SLC7A1: variants seen among roughly 807,000 people sequenced by gnomAD.
SLC7A1 encodes the protein solute carrier family 7 member 1.
A neutral mutation model predicts 53.9 loss-of-function variants in SLC7A1; 10 were observed. The ratio of observed to expected loss-of-function variants is 0.19; its 90% CI spans 0.11 to 0.31. The LOEUF (loss-of-function observed/expected upper bound fraction) is 0.31, where lower values mean the gene tolerates loss of function less well. SLC7A1 is among the 10% of genes least tolerant of loss of function. SLC7A1 has a pLI of 1.00. For missense variants in SLC7A1, 525 were observed against 827.2 expected (o/e 0.63, Z 4.48); for synonymous variants, 342 against 338.7 (o/e 1.01, Z -0.11).
At chr13:29,560,832 G>A (rs1047039137) in intron 1 of SLC7A1, among the ~76,000 whole-genome samples, 8 of 152,052 alleles carry the variant, frequency 5.3e-5, no homozygotes, top group Non-Finnish European at 1.0e-4. Context: ...ACACCTGGCA[G>A]GCCAAGAGAA....
intron 1 of SLC7A1, among the ~76,000 whole-genome samples, chr13:29,588,311 T>C (rs1021104443): frequency 1.3e-5 from 2 of 152,098 alleles, no homozygotes; most frequent in African/African-American, 4.8e-5. Context: ...CACTGAAGTA[T>C]AGAGGGCAAA....
At chr13:29,523,202 C>CTA (rs528629112) in intron 7 of SLC7A1, 64 bp downstream of exon 7, 8 of 1,373,508 alleles carry the variant, frequency 5.8e-6, no homozygotes, top group Admixed American at 1.7e-5. Flanking sequence ...ACCTGGCCTG[C>CTA]TATAGCCTAA....
chr13:29,522,134 G>C (rs538308599), intron 8 of SLC7A1, among the ~76,000 whole-genome samples, 183 bp downstream of exon 8: 2 of 152,166 alleles, frequency 1.3e-5, no homozygotes, highest in Non-Finnish European at 2.9e-5. Context: ...TCTGTCAAAC[G>C]GGCCTCTGCC....
intron 5 of SLC7A1, among the ~76,000 whole-genome samples, chr13:29,527,507 T>G (rs1356717465): frequency 6.6e-6 from 1 of 152,204 alleles, no homozygotes; most frequent in Admixed American, 6.5e-5. Flanking sequence ...ATAATTAACC[T>G]TTTACATGCG....
At chr13:29,592,589 G>GATCAT in intron 1 of SLC7A1, among the ~76,000 whole-genome samples, 1 of 152,344 alleles carries the variant, frequency 6.6e-6, no homozygotes, top group African/African-American at 2.4e-5. Flanking sequence ...GACCCACACT[G>GATCAT]AACCACAGGG....
intron 1 of SLC7A1, among the ~76,000 whole-genome samples, chr13:29,566,497 C>T (rs933015907): frequency 3.3e-5 from 5 of 152,148 alleles, no homozygotes; most frequent in African/African-American, 7.2e-5. Context: ...CTTGAAAACA[C>T]GATGCTAAGT....
chr13:29,570,439 G>C (rs747745490), intron 1 of SLC7A1, among the ~76,000 whole-genome samples: 1 of 152,182 alleles, frequency 6.6e-6, no homozygotes, highest in African/African-American at 2.4e-5. Flanking sequence ...CATCTGAAGC[G>C]GGGATAATGA....
intron 1 of SLC7A1, among the ~76,000 whole-genome samples, chr13:29,591,119 A>G (rs1031832963): frequency 2.0e-5 from 3 of 151,898 alleles, no homozygotes; most frequent in Admixed American, 1.3e-4. Context: ...CAAAATATAT[A>G]TATATTTTTC....
intron 12 of SLC7A1, among the ~76,000 whole-genome samples, chr13:29,515,067 T>A (rs1462880582): frequency 6.6e-6 from 1 of 152,152 alleles, no homozygotes; most frequent in South Asian, 2.1e-4. Context: ...GGACTTCACA[T>A]AGGAGTCCAC....
chr13:29,531,875 T>A (rs150446688), intron 4 of SLC7A1, among the ~76,000 whole-genome samples: 29 of 152,288 alleles, frequency 1.9e-4, no homozygotes, highest in African/African-American at 7.0e-4. Flanking sequence ...CTGCTGTACT[T>A]TTGAGATTGA....
chr13:29,515,964 T>C (rs930433956), intron 12 of SLC7A1, among the ~76,000 whole-genome samples, 174 bp downstream of exon 12: 2 of 152,202 alleles, frequency 1.3e-5, no homozygotes, highest in African/African-American at 4.8e-5. Context: ...CAAGAAGCAA[T>C]GGAAACAAAA....
chr13:29,589,295 A>AC (rs1227257812), intron 1 of SLC7A1, among the ~76,000 whole-genome samples: 15 of 152,128 alleles, frequency 9.9e-5, no homozygotes, highest in African/African-American at 3.6e-4. Context: ...TTTCCACAAG[A>AC]CCCCCTGCAA....
chr13:29,582,679 C>T (rs540550915), intron 1 of SLC7A1, among the ~76,000 whole-genome samples: 9 of 152,298 alleles, frequency 5.9e-5, no homozygotes, highest in African/African-American at 2.2e-4. Context: ...AGACCCCCTC[C>T]CTGAGCTCCC....
intron 1 of SLC7A1, among the ~76,000 whole-genome samples, chr13:29,580,209 C>T (rs545446614): frequency 2.0e-5 from 3 of 152,152 alleles, no homozygotes; most frequent in Middle Eastern, 3.2e-3. Context: ...CTCTCTAACT[C>T]CAGGCCGTGA....
intron 1 of SLC7A1, among the ~76,000 whole-genome samples, chr13:29,571,756 G>T (rs551339351): frequency 5.2e-4 from 79 of 152,308 alleles, no homozygotes; most frequent in African/African-American, 1.9e-3. Context: ...AGGAGGTCTG[G>T]ACACTCACAA....
chr13:29,593,767 T>C (rs1278360816), intron 1 of SLC7A1, among the ~76,000 whole-genome samples: 1 of 152,150 alleles, frequency 6.6e-6, no homozygotes, highest in Non-Finnish European at 1.5e-5. Flanking sequence ...GCCTTTCTTT[T>C]TTTTTTTCAC....
At chr13:29,585,190 T>C (rs1871829401) in intron 1 of SLC7A1, among the ~76,000 whole-genome samples, 1 of 152,126 alleles carries the variant, frequency 6.6e-6, no homozygotes, top group Non-Finnish European at 1.5e-5. Flanking sequence ...AGTCAGAAAC[T>C]CCTAAATCAC....
chr13:29,557,675 AGGGAGAGTGAATATGAG>A (rs1342276107), intron 1 of SLC7A1, among the ~76,000 whole-genome samples: 1 of 118,970 alleles, frequency 8.4e-6, no homozygotes, highest in Non-Finnish European at 1.8e-5. Flanking sequence ...AATGTGAATG[AGGGAGAGTGAATATGAG>A]TGGGGGGGAG....
At chr13:29,525,424 A>T (rs150742436) in intron 5 of SLC7A1, among the ~76,000 whole-genome samples, 138 of 152,350 alleles carry the variant, frequency 9.1e-4, no homozygotes, top group Admixed American at 2.7e-3. Context: ...AAACCTTGTC[A>T]GCATGAAGAG....
Sources: allele counts gnomAD v4.1 joint callset (sites outside exome capture counted in the v4.1 genomes callset), GRCh38; gene constraint gnomAD v4.1.1; transcripts MANE v1.5; gene names NCBI Gene and HGNC (gene_info 2026-07-23, HGNC 2026-07-21).